The following CACNA1D variants were observed in gnomAD, a reference collection of about 807,000 sequenced individuals.
CACNA1D encodes the protein voltage-dependent L-type calcium channel subunit alpha-1D.
Under a neutral mutation model 257.1 loss-of-function variants are expected in CACNA1D, and 55 were observed. The observed-to-expected ratio is 0.21, with a 90% CI of 0.17 to 0.27. CACNA1D has a LOEUF of 0.27. Among genes scored for constraint, CACNA1D ranks in the 10% least tolerant of loss-of-function variants. The pLI is 1.00. For missense variants in CACNA1D, 1,876 were observed against 2,784.0 expected, an observed-to-expected ratio of 0.67 and a Z score of 7.34; for synonymous variants, 980 against 1,014.9, an observed-to-expected ratio of 0.97 and a Z score of 0.65.
At chr3:53,611,246 A>G (rs2093579561) in intron 3 of CACNA1D, among the ~76,000 whole-genome samples, 1 of 152,128 alleles carries the variant, frequency 6.6e-6, no homozygotes, top group Admixed American at 6.5e-5. Context: ...TTGGCTGGGG[A>G]TGGTGGCATG....
intron 3 of CACNA1D, among the ~76,000 whole-genome samples, chr3:53,518,318 A>G (rs1412124325): frequency 6.6e-6 from 1 of 152,234 alleles, no homozygotes; most frequent in Non-Finnish European, 1.5e-5. Flanking sequence ...CCAGTGTCCC[A>G]TTTCTCTTAA....
At chr3:53,611,391 AC>A (rs2107960719) in intron 3 of CACNA1D, among the ~76,000 whole-genome samples, 1 of 152,322 alleles carries the variant, frequency 6.6e-6, no homozygotes, top group African/African-American at 2.4e-5. Context: ...TTGTCTCAAA[AC>A]AAAACAAAAC....
chr3:53,551,957 T>C (rs1474309996), intron 3 of CACNA1D, among the ~76,000 whole-genome samples: 4 of 152,230 alleles, frequency 2.6e-5, no homozygotes, highest in Non-Finnish European at 4.4e-5. Context: ...CCTGGGGCTA[T>C]AGTTTGAGTA....
In CACNA1D at chr3:53,811,372, T is replaced by C; in HGVS notation, c.6452T>C (p.Leu2151Pro). ...EPDPGRDEEDLADEMICITTL is the reference protein window; with the variant it reads ...EPDPGRDEEDPADEMICITTL ...GACCCTGGGAGGGATGAGGAGGACC[T>C]GGCGGATGAAATGATATGCATCACC... The change falls in exon 48 of 48, where the codon CTG becomes CCG. Residue 2151 changes from leucine to proline, a missense_variant. Physicochemically the swap from Leu to Pro is moderately conservative, Grantham distance 98. Around this residue, in one of 10 missense-constraint regions of CACNA1D, gnomAD observed 491 missense variants for 554.3 expected, o/e 0.89. Transcript: ENST00000350061. The surrounding 1 kb of genome is among the most constrained non-coding windows in gnomAD (Gnocchi z 4.2). The C allele has an allele frequency of 6.3e-7, 1 of 1,583,482 alleles. No homozygotes were observed. Among genetic ancestry groups the C allele is most frequent in the Non-Finnish European group, 8.6e-7 (1 of 1,161,664 alleles).
chr3:53,806,790 C>T (rs1559724399), intron 45 of CACNA1D, among the ~76,000 whole-genome samples: 1 of 152,172 alleles, frequency 6.6e-6, no homozygotes. Context: ...ATTCCTCAGC[C>T]CTGAACACAT....
chr3:53,617,269 C>G (rs1219833662), intron 3 of CACNA1D, among the ~76,000 whole-genome samples: 1 of 152,122 alleles, frequency 6.6e-6, no homozygotes, highest in Non-Finnish European at 1.5e-5. Context: ...CCCCAATTCT[C>G]TCCAAAGCCC....
chr3:53,537,450 G>A (rs35131285), intron 3 of CACNA1D, among the ~76,000 whole-genome samples: 43,797 of 151,890 alleles, frequency 0.29, 6,874 homozygotes, highest in Middle Eastern at 0.37. Flanking sequence ...AGGTATATCA[G>A]CAAATCTCAG....
chr3:53,621,066 C>A (rs1252858284), intron 3 of CACNA1D, among the ~76,000 whole-genome samples: 1 of 152,156 alleles, frequency 6.6e-6, no homozygotes, highest in Non-Finnish European at 1.5e-5. Flanking sequence ...TTTTGTGCAG[C>A]CCCTTCCTTA....
intron 8 of CACNA1D, among the ~76,000 whole-genome samples, chr3:53,674,770 G>C (rs369759285): frequency 3.8e-4 from 58 of 152,266 alleles, no homozygotes; most frequent in Middle Eastern, 3.4e-3. Flanking sequence ...GGTTGTGGGG[G>C]GCAGGCAGGA....
chr3:53,682,379 A>AAAAAAAAAAAAAAAAAAAAAC (rs2094439152), intron 8 of CACNA1D, among the ~76,000 whole-genome samples: 1 of 145,132 alleles, frequency 6.9e-6, no homozygotes, highest in Non-Finnish European at 1.5e-5. Flanking sequence ...AAAAAAAAAA[A>AAAAAAAAAAAAAAAAAAAAAC]AAAAAAAAAA....
At position 53,811,308 on chromosome 3, in the gene CACNA1D, C is replaced by T; in HGVS notation, c.6388C>T (p.Leu2130=). ...CCTCTCACACCGGCAGGACTATGAG[C>T]TACAGGACTTTGGTCCTGGCTACAG... ...GPLSHRQDYE[L]QDFGPGYSDE... Residue 2130 remains leucine, a synonymous_variant, in exon 48 of 48, where the codon CTA becomes TTA. Coordinates refer to ENST00000350061, the MANE Select transcript of CACNA1D (RefSeq NM_001128840.3). This position sits in a 1 kb window ranked among gnomAD's most constrained non-coding sequence, Gnocchi z 4.2. 2 of 1,613,222 alleles carry T rather than the reference C, an allele frequency of 1.2e-6. No homozygotes were observed. The highest frequency in any genetic ancestry group is 2.2e-5 in the East Asian group (1 of 44,848).
At chr3:53,659,674 T>A (rs1367044792) in intron 4 of CACNA1D, among the ~76,000 whole-genome samples, 3 of 152,246 alleles carry the variant, frequency 2.0e-5, no homozygotes, top group Admixed American at 6.5e-5. Context: ...GCAAGCTACT[T>A]ATTCCTATCG....
chr3:53,590,067 C>T (rs1236236024), intron 3 of CACNA1D, among the ~76,000 whole-genome samples: 1 of 152,226 alleles, frequency 6.6e-6, no homozygotes, highest in Non-Finnish European at 1.5e-5. Context: ...TCCCTTTGGT[C>T]CTTTTCATCA....
chr3:53,503,438 A>G (rs2090687840), intron 3 of CACNA1D, among the ~76,000 whole-genome samples: 1 of 152,240 alleles, frequency 6.6e-6, no homozygotes, highest in Admixed American at 6.5e-5. Flanking sequence ...TAGCCTTGTT[A>G]CCAAATTTAA....
rs2093516524 is a variant in CACNA1D at position 53,606,798 on chromosome 3, C to T, written c.484-43981C>T. Among the ~76,000 whole-genome samples, 3 of 152,212 alleles carry T rather than the reference C, an allele frequency of 2.0e-5. No individual in the cohort carries two copies. The South Asian group carries it at 6.2e-4, about 31-fold the overall frequency. On this transcript the variant is annotated intron_variant, in intron 3 of 47. Transcript: ENST00000350061. ...AGAACACTGCTATCACCATAAGGGT[C>T]CCTTGTGCCCTATCTAGTCAGTCCT...
intron 30 of CACNA1D, among the ~76,000 whole-genome samples, chr3:53,763,788 C>A (rs2095317163): frequency 6.6e-6 from 1 of 152,192 alleles, no homozygotes; most frequent in Non-Finnish European, 1.5e-5. Context: ...CCTGGCAGTC[C>A]TAAGACCTGG....
At chr3:53,650,204 G>T (rs964989414) in intron 3 of CACNA1D, among the ~76,000 whole-genome samples, 1 of 152,184 alleles carries the variant, frequency 6.6e-6, no homozygotes, top group South Asian at 2.1e-4. Flanking sequence ...CTTATTGTGT[G>T]GATGCAAAAA....
Position 53,749,588 on chromosome 3 carries a change from T to C in CACNA1D, c.3516+119T>C. On this transcript the variant is annotated intron_variant, in intron 27 of 47. Coordinates refer to ENST00000350061, the MANE Select transcript of CACNA1D (RefSeq NM_001128840.3). Reference sequence around the variant, plus strand: ...CCCACATACTGTCTGTCCCTGGGGCTAGGGCCCTGTTCTAAGCACACCCTC... The same window carrying C: ...CCCACATACTGTCTGTCCCTGGGGCCAGGGCCCTGTTCTAAGCACACCCTC... The C allele has an allele frequency of 6.6e-6, 5 of 752,304 alleles. No individual in the cohort carries two copies. The East Asian group carries it at 1.0e-4, about 16-fold the overall frequency. 46.6% of individuals were successfully genotyped at this position (752,304 alleles called of 1,614,324 possible). A position where few individuals can be genotyped will look rare whatever the true frequency, so the allele number is the denominator to read the frequency against.
At chr3:53,692,637 C>T (rs2094538454) in intron 8 of CACNA1D, among the ~76,000 whole-genome samples, 1 of 152,198 alleles carries the variant, frequency 6.6e-6, no homozygotes, top group Admixed American at 6.5e-5. Flanking sequence ...TTCCTGTGTT[C>T]TGTTCATGGT....
Sources: allele counts gnomAD v4.1 joint callset (sites outside exome capture counted in the v4.1 genomes callset), GRCh38; gene constraint gnomAD v4.1.1; regional missense constraint gnomAD v4.1.1; non-coding constraint Gnocchi (gnomAD v3.1); transcripts MANE v1.5; gene names NCBI Gene and HGNC (gene_info 2026-07-23, HGNC 2026-07-21).